Variants in TRIQK observed in about 807,000 individuals in gnomAD.
The protein encoded by TRIQK is triple QxxK/R motif-containing protein.
In TRIQK, 10 loss-of-function variants were observed where a neutral mutation model predicts 10.8. That is an observed-to-expected ratio of 0.92 (90% CI 0.57 to 1.57). The LOEUF (loss-of-function observed/expected upper bound fraction) is 1.57. Ranked by LOEUF, TRIQK falls within the 40% of genes most tolerant of loss-of-function variation. The pLI, the probability that TRIQK is intolerant of heterozygous loss-of-function variation, is 0.00. For missense variants in TRIQK, 107 were observed against 97.7 expected (o/e 1.09, Z -0.40); for synonymous variants, 33 against 33.7 (o/e 0.98, Z 0.07).
At chr8:92,945,103 A>T (rs139295124) in intron 2 of TRIQK, among the ~76,000 whole-genome samples, 64 of 152,340 alleles carry the variant, frequency 4.2e-4, no homozygotes, top group African/African-American at 1.3e-3. Flanking sequence ...GAAGCTGGCC[A>T]GATGCAATCA....
At chr8:92,997,789 G>A (rs1813167624) in intron 1 of TRIQK, among the ~76,000 whole-genome samples, 1 of 151,916 alleles carries the variant, frequency 6.6e-6, no homozygotes, top group South Asian at 2.1e-4. Flanking sequence ...AGGGGAACTG[G>A]ATTTAGTTCT....
chr8:92,957,229 T>A (rs1280768246), intron 1 of TRIQK, among the ~76,000 whole-genome samples: 1 of 151,860 alleles, frequency 6.6e-6, no homozygotes, highest in Non-Finnish European at 1.5e-5. Context: ...CATACATGTG[T>A]ACATAACCAT....
intron 2 of TRIQK, among the ~76,000 whole-genome samples, chr8:92,943,092 G>A (rs1371997151): frequency 6.6e-6 from 1 of 151,528 alleles, no homozygotes; most frequent in Admixed American, 6.6e-5. Context: ...AAAAAAATGG[G>A]ACACTTAGTA....
intron 2 of TRIQK, chr8:92,921,476 T>G (rs1377111249): frequency 2.0e-5 from 3 of 151,704 alleles, no homozygotes; most frequent in African/African-American, 7.3e-5. Flanking sequence ...TGTGAGTAAA[T>G]TAATGTTTCC....
chr8:92,915,292 T>G (rs1016576757), intron 3 of TRIQK, among the ~76,000 whole-genome samples: 1 of 152,132 alleles, frequency 6.6e-6, no homozygotes, highest in Admixed American at 6.5e-5. Flanking sequence ...ATATACCACA[T>G]GAGAACTACA....
At chr8:93,015,868 A>C (rs1813379492) in intron 1 of TRIQK, among the ~76,000 whole-genome samples, 1 of 152,048 alleles carries the variant, frequency 6.6e-6, no homozygotes, top group African/African-American at 2.4e-5. Flanking sequence ...AGATTTTTGC[A>C]TCTTACTCCC....
At chr8:93,008,539 A>G (rs1270750081) in intron 1 of TRIQK, among the ~76,000 whole-genome samples, 1 of 152,168 alleles carries the variant, frequency 6.6e-6, no homozygotes, top group African/African-American at 2.4e-5. Context: ...AATCCAAAGC[A>G]ATCTTCAAAA....
At chr8:93,010,401 A>G (rs1813320918) in intron 1 of TRIQK, among the ~76,000 whole-genome samples, 1 of 152,116 alleles carries the variant, frequency 6.6e-6, no homozygotes, top group African/African-American at 2.4e-5. Context: ...TTATGTGTCC[A>G]TTAAAAAAAT....
At chr8:92,905,599 CTTATT>C (rs1316096891) in intron 3 of TRIQK, among the ~76,000 whole-genome samples, 2 of 152,008 alleles carry the variant, frequency 1.3e-5, no homozygotes, top group African/African-American at 4.8e-5. Context: ...ACCTATAGTA[CTTATT>C]TTATCTATGT....
At chr8:93,012,955 A>G (rs1251979268) in intron 1 of TRIQK, among the ~76,000 whole-genome samples, 1 of 152,164 alleles carries the variant, frequency 6.6e-6, no homozygotes, top group Admixed American at 6.5e-5. Context: ...ACTCTAGGTG[A>G]TTCTGCTGCA....
intron 1 of TRIQK, among the ~76,000 whole-genome samples, chr8:93,010,122 A>G (rs1021636071): frequency 1.3e-5 from 2 of 152,096 alleles, no homozygotes; most frequent in Non-Finnish European, 2.9e-5. Context: ...AGTAGGAGGG[A>G]TGGGGAATGA....
chr8:92,899,882 G>T (rs908360310), intron 3 of TRIQK, among the ~76,000 whole-genome samples: 3 of 152,044 alleles, frequency 2.0e-5, no homozygotes, highest in African/African-American at 4.8e-5. Flanking sequence ...GTGTATGAGG[G>T]TTTCCTTTCC....
At chr8:92,902,189 C>T (rs1808976041) in intron 3 of TRIQK, among the ~76,000 whole-genome samples, 1 of 152,094 alleles carries the variant, frequency 6.6e-6, no homozygotes, top group Admixed American at 6.6e-5. Context: ...GACTGCCTTT[C>T]ACGTTTATCT....
intron 1 of TRIQK, among the ~76,000 whole-genome samples, chr8:93,006,023 T>TA (rs1240357408): frequency 8.8e-6 from 1 of 113,900 alleles, no homozygotes; most frequent in African/African-American, 3.9e-5. Context: ...GCGAACTATC[T>TA]AAAAAATAAG....
intron 2 of TRIQK, among the ~76,000 whole-genome samples, chr8:92,944,686 C>T (rs1056832263): frequency 1.3e-5 from 2 of 151,976 alleles, no homozygotes; most frequent in Non-Finnish European, 1.5e-5. Flanking sequence ...GAAGGCAGAA[C>T]GGTGGTCAAC....
chr8:93,008,413 T>C (rs1229042565), intron 1 of TRIQK, among the ~76,000 whole-genome samples: 1 of 152,136 alleles, frequency 6.6e-6, no homozygotes, highest in Non-Finnish European at 1.5e-5. Flanking sequence ...CTCAAAGTCA[T>C]CTACATATTC....
At chr8:92,955,676 A>G (rs1157782426) in intron 1 of TRIQK, among the ~76,000 whole-genome samples, 3 of 151,732 alleles carry the variant, frequency 2.0e-5, no homozygotes, top group Non-Finnish European at 4.4e-5. Context: ...CACCATATAT[A>G]TAATAAAAGT....
intron 1 of TRIQK, among the ~76,000 whole-genome samples, chr8:93,006,434 C>T (rs111886462): frequency 3.5e-4 from 54 of 152,264 alleles, no homozygotes; most frequent in African/African-American, 1.2e-3. Flanking sequence ...CAGATCTGTG[C>T]GACACACGGA....
At chr8:92,957,761 TTTTAC>T (rs1563661159) in intron 1 of TRIQK, among the ~76,000 whole-genome samples, 1 of 151,918 alleles carries the variant, frequency 6.6e-6, no homozygotes, top group Non-Finnish European at 1.5e-5. Context: ...CAGATTACGT[TTTTAC>T]TTTATAAGTA....
Sources: gnomAD v4.1 joint callset for allele counts (sites outside exome capture counted in the v4.1 genomes callset) on GRCh38, gnomAD v4.1.1 for gene constraint, MANE v1.5 for transcripts, NCBI Gene and HGNC (gene_info 2026-07-23, HGNC 2026-07-21) for gene names.